Variants in NAALADL2 observed in about 807,000 individuals in gnomAD.
The protein encoded by NAALADL2 is N-acetylated alpha-linked acidic dipeptidase like 2, also known as inactive N-acetylated-alpha-linked acidic dipeptidase-like protein 2.
NAALADL2 carries 76 observed loss-of-function variants against 87.2 expected under a neutral mutation model. The observed-to-expected ratio is 0.87, with a 90% CI of 0.72 to 1.05. NAALADL2 has a LOEUF of 1.05. Among genes scored for constraint, NAALADL2 ranks in the 50% least tolerant of loss-of-function variants. The pLI, the probability that NAALADL2 is intolerant of heterozygous loss-of-function variation, is 0.00. For missense variants in NAALADL2, 1,089 were observed against 945.8 expected (o/e 1.15, Z -1.99); for synonymous variants, 354 against 331.0 (o/e 1.07, Z -0.75).
chr3:175,696,199 C>T (rs867498041), intron 11 of NAALADL2, among the ~76,000 whole-genome samples: 4 of 152,100 alleles, frequency 2.6e-5, no homozygotes, highest in Non-Finnish European at 4.4e-5. Context: ...CATTAGTGCT[C>T]ATCTAGCACA....
chr3:174,934,532 C>G (rs1250962928), intron 1 of NAALADL2, among the ~76,000 whole-genome samples: 1 of 151,864 alleles, frequency 6.6e-6, no homozygotes, highest in African/African-American at 2.4e-5. Context: ...CAACCATGTG[C>G]CGAGCGCGGT....
At chr3:174,800,019 A>G (rs995060712) in intron 3 of NAALADL2, among the ~76,000 whole-genome samples, 1 of 152,214 alleles carries the variant, frequency 6.6e-6, no homozygotes, top group African/African-American at 2.4e-5. Flanking sequence ...GAAATTTCTA[A>G]GCAGCAAAGC....
chr3:174,733,894 T>C (rs1176527531), intron 2 of NAALADL2, among the ~76,000 whole-genome samples: 1 of 152,166 alleles, frequency 6.6e-6, no homozygotes, highest in Non-Finnish European at 1.5e-5. Flanking sequence ...CTGGATGTGG[T>C]GATCTGGTGG....
intron 3 of NAALADL2, among the ~76,000 whole-genome samples, chr3:174,783,465 G>A (rs1452413246): frequency 2.0e-5 from 3 of 152,104 alleles, no homozygotes; most frequent in African/African-American, 7.2e-5. Flanking sequence ...TTCTAGCCAC[G>A]TTTGACCCTT....
chr3:174,748,453 G>A (rs1203339943), intron 3 of NAALADL2, among the ~76,000 whole-genome samples: 1 of 150,616 alleles, frequency 6.6e-6, no homozygotes, highest in Non-Finnish European at 1.5e-5. Context: ...TTTATTTTTA[G>A]CCTTGACCCC....
intron 2 of NAALADL2, among the ~76,000 whole-genome samples, chr3:174,677,026 C>CT (rs1055711729): frequency 6.6e-6 from 1 of 151,822 alleles, no homozygotes; most frequent in Admixed American, 6.6e-5. Context: ...GCTATCCATT[C>CT]TTTTTTCTCA....
intron 1 of NAALADL2, among the ~76,000 whole-genome samples, chr3:174,901,230 T>A (rs1732261214): frequency 6.6e-6 from 1 of 152,162 alleles, no homozygotes; most frequent in Non-Finnish European, 1.5e-5. Flanking sequence ...AATTTTAACA[T>A]GTATCAAGGA....
intron 10 of NAALADL2, among the ~76,000 whole-genome samples, chr3:175,587,235 A>G (rs1042327216): frequency 4.0e-5 from 6 of 148,710 alleles, no homozygotes; most frequent in African/African-American, 1.6e-4. Flanking sequence ...AAAGTTTTTA[A>G]TAAGAGTTAA....
At chr3:174,564,864 C>G (rs1404893710) in intron 2 of NAALADL2, among the ~76,000 whole-genome samples, 1 of 151,752 alleles carries the variant, frequency 6.6e-6, no homozygotes, top group African/African-American at 2.4e-5. Flanking sequence ...TCTCTACAGA[C>G]TTTCAAAAGT....
intron 9 of NAALADL2, among the ~76,000 whole-genome samples, chr3:175,539,925 GA>G (rs1712007370): frequency 6.6e-6 from 1 of 152,100 alleles, no homozygotes; most frequent in Non-Finnish European, 1.5e-5. Context: ...AGTAAACAGT[GA>G]AGTTAATTTG....
At position 175,368,050 on chromosome 3, in the gene NAALADL2, G is replaced by C. The variant is rs1260233118; in HGVS notation, c.1090+43725G>C. On this transcript the variant is annotated intron_variant, in intron 5 of 13. Coordinates refer to ENST00000454872, the MANE Select transcript of NAALADL2 (RefSeq NM_207015.3). ...ATCCCATCAATACCTAATTTATTGA[G>C]AGTTTTTAGCATGAAGCGTTGTTGA... 2.6e-5 allele frequency among the ~76,000 whole-genome samples: 4 copies of C among 152,098 alleles called. No homozygotes were observed. The East Asian group carries it at 7.7e-4, about 29-fold the overall frequency.
chr3:174,950,597 T>A (rs1740193464), intron 1 of NAALADL2, among the ~76,000 whole-genome samples: 1 of 152,108 alleles, frequency 6.6e-6, no homozygotes, highest in African/African-American at 2.4e-5. Context: ...TATGGTGTTC[T>A]TGAAGAGTTC....
chr3:175,471,002 G>A (rs991761046), intron 8 of NAALADL2, among the ~76,000 whole-genome samples: 10 of 152,078 alleles, frequency 6.6e-5, no homozygotes, highest in African/African-American at 2.4e-4. Context: ...CTAAAATTAA[G>A]TTGCATTCAT....
At chr3:175,037,839 T>C (rs910346087) in intron 1 of NAALADL2, among the ~76,000 whole-genome samples, 4 of 152,154 alleles carry the variant, frequency 2.6e-5, no homozygotes, top group Non-Finnish European at 5.9e-5. Context: ...GTATCCCCAT[T>C]CATGCTTGCA....
chr3:175,588,114 T>A (rs1720810617), intron 10 of NAALADL2, among the ~76,000 whole-genome samples: 1 of 151,644 alleles, frequency 6.6e-6, no homozygotes, highest in African/African-American at 2.4e-5. Flanking sequence ...GCCTAGACTG[T>A]ACAACCCAAA....
intron 1 of NAALADL2, among the ~76,000 whole-genome samples, chr3:174,483,575 G>T (rs961578286): frequency 1.3e-4 from 19 of 151,994 alleles, no homozygotes; most frequent in Non-Finnish European, 8.8e-5. Flanking sequence ...ATTGTGCAAA[G>T]TAAGTATCCC....
intron 2 of NAALADL2, among the ~76,000 whole-genome samples, chr3:174,689,364 A>G (rs1185742811): frequency 6.6e-6 from 1 of 150,502 alleles, no homozygotes; most frequent in African/African-American, 2.4e-5. Context: ...TTCATGAACT[A>G]CTGCCTAAAT....
intron 2 of NAALADL2, among the ~76,000 whole-genome samples, chr3:174,652,593 A>G (rs1235677562): frequency 6.6e-6 from 1 of 152,138 alleles, no homozygotes; most frequent in Non-Finnish European, 1.5e-5. Flanking sequence ...TATCACGAGA[A>G]CAGTATGGGA....
chr3:175,461,003 C>T (rs2149261956), intron 6 of NAALADL2, among the ~76,000 whole-genome samples: 1 of 152,312 alleles, frequency 6.6e-6, no homozygotes, highest in African/African-American at 2.4e-5. Context: ...TTACTGAGTG[C>T]TGATTGGTCC....
Sources: allele counts gnomAD v4.1 joint callset (sites outside exome capture counted in the v4.1 genomes callset), GRCh38; gene constraint gnomAD v4.1.1; transcripts MANE v1.5; gene names NCBI Gene and HGNC (gene_info 2026-07-23, HGNC 2026-07-21).